GTF2IRD2B: variants seen among roughly 807,000 people sequenced by gnomAD.
GTF2IRD2B encodes the protein GTF2I repeat domain containing 2B, also known as general transcription factor II-I repeat domain-containing protein 2B.
A neutral mutation model predicts 55.6 loss-of-function variants in GTF2IRD2B; 10 were observed. The observed-to-expected ratio is 0.18, with a 90% CI of 0.11 to 0.31. GTF2IRD2B has a LOEUF of 0.31. Among genes scored for constraint, GTF2IRD2B ranks in the 10% least tolerant of loss-of-function variants. The probability of loss-of-function intolerance (pLI) is 1.00; values close to 1 mark genes in which losing one functional copy is unlikely to be tolerated. For missense variants in GTF2IRD2B, 206 were observed against 802.7 expected (o/e 0.26, Z 8.98); for synonymous variants, 107 against 320.5 (o/e 0.33, Z 7.12).
intron 2 of GTF2IRD2B, among the ~76,000 whole-genome samples, chr7:75,112,039 C>T (rs1178639020): frequency 6.6e-5 from 1 of 15,220 alleles, no homozygotes; most frequent in African/African-American, 1.3e-4. Flanking sequence ...GTCAGGAGAT[C>T]GAGACCATCC....
chr7:75,132,551 T>C (rs1198610080), intron 8 of GTF2IRD2B, among the ~76,000 whole-genome samples: 193 of 16,798 alleles, frequency 0.011, no homozygotes, highest in Non-Finnish European at 0.016. Context: ...CTTCCTTCTT[T>C]TTTTTTTTTT....
At chr7:75,104,591 G>T (rs1365666196) in intron 1 of GTF2IRD2B, among the ~76,000 whole-genome samples, 17 of 152,330 alleles carry the variant, frequency 1.1e-4, no homozygotes, top group African/African-American at 4.1e-4. Context: ...CTCTCCCGGG[G>T]ATGCTAAAGA....
rs1238190491 is a variant in GTF2IRD2B at position 75,115,428 on chromosome 7, AT to A, written c.238+2906del. 1.3e-3 allele frequency among the ~76,000 whole-genome samples: 158 copies of A among 125,420 alleles called. 2 individuals are homozygous for A. The highest frequency in any genetic ancestry group is 2.6e-3 in the South Asian group (10 of 3,906). The allele number at this position is 125,420 out of a possible 152,430, so 82.3% of individuals were successfully genotyped here. A position where few individuals can be genotyped will look rare whatever the true frequency, so the allele number is the denominator to read the frequency against. On this transcript the variant is annotated intron_variant, in intron 3 of 15. Transcript: ENST00000472837. Reference sequence around the variant, plus strand: ...TGGTGTTCCATATGAATTTTTTTTTATTTTTTTTTTTTTGAGACAGAATCTC... The same window carrying A: ...TGGTGTTCCATATGAATTTTTTTTTATTTTTTTTTTTTGAGACAGAATCTC...
At position 75,123,827 on chromosome 7, in the gene GTF2IRD2B, G is replaced by T. The variant is rs1220606357; in HGVS notation, c.571+311G>T. 6.3e-4 allele frequency: 246 copies of T among 389,766 alleles called. 10 individuals are homozygous for T. The highest frequency in any genetic ancestry group is 1.1e-4 in the Non-Finnish European group (23 of 202,470). 24.1% of individuals were successfully genotyped at this position (389,766 alleles called of 1,614,324 possible). Reference sequence around the variant, plus strand: ...CGGGAGGTGGAGCTTGCAGTGAGCGGAGATCGCGCCACTGCACTCCAGCCT... The same window carrying T: ...CGGGAGGTGGAGCTTGCAGTGAGCGTAGATCGCGCCACTGCACTCCAGCCT... On this transcript the variant is annotated intron_variant, in intron 6 of 15. Coordinates refer to ENST00000472837, the MANE Select transcript of GTF2IRD2B (RefSeq NM_001003795.3).
At chr7:75,113,748 T>C (rs587594722) in intron 3 of GTF2IRD2B, among the ~76,000 whole-genome samples, 16 of 147,492 alleles carry the variant, frequency 1.1e-4, no homozygotes, top group Non-Finnish European at 2.2e-4. Flanking sequence ...CATGAAAGGA[T>C]AAAAATCAGA....
chr7:75,102,085 C>T (rs1195659080), intron 1 of GTF2IRD2B, among the ~76,000 whole-genome samples: 1 of 150,738 alleles, frequency 6.6e-6, no homozygotes, highest in Non-Finnish European at 1.5e-5. Flanking sequence ...TCACTGCAAC[C>T]TCCGCCTCCC....
chr7:75,137,189 C>T (rs781973811), intron 11 of GTF2IRD2B, among the ~76,000 whole-genome samples: 217 of 143,890 alleles, frequency 1.5e-3, no homozygotes, highest in Non-Finnish European at 2.9e-3. Context: ...GGTGACAGAG[C>T]GAGATTCCAT....
chr7:75,121,484 A>G (rs1584537352), intron 4 of GTF2IRD2B, among the ~76,000 whole-genome samples: 1 of 146,588 alleles, frequency 6.8e-6, no homozygotes, highest in Non-Finnish European at 1.5e-5. Context: ...TTCTGAGAGG[A>G]GTCTTGCTCT....
chr7:75,148,370 G>C lies in GTF2IRD2B; in HGVS notation c.1923G>C (p.Thr641=). 1 of 1,611,940 alleles carries C rather than the reference G, an allele frequency of 6.2e-7. No individual in the cohort carries two copies. The highest frequency in any genetic ancestry group is 1.7e-5 in the Admixed American group (1 of 59,774). ...CAAAACTGAAGTCCAGGGTGGCGAC[G>C]TTCTGCAAGGGTGCGGAACTGAAGT... ...LVTKLKSRVA[T]FCKGAELKSI... Residue 641 remains threonine, a synonymous_variant, in exon 16 of 16, where the codon ACG becomes ACC. Transcript: ENST00000472837.
chr7:75,148,318 T>C lies in GTF2IRD2B; in HGVS notation c.1871T>C (p.Met624Thr), dbSNP rs1554454566. The C allele has an allele frequency of 6.2e-7, 1 of 1,613,486 alleles. No homozygotes were observed. Among genetic ancestry groups the C allele is most frequent in the Admixed American group, 1.7e-5 (1 of 59,880 alleles). The change falls in exon 16 of 16, where the codon ATG becomes ACG. Residue 624 changes from methionine to threonine, a missense_variant. Coordinates refer to ENST00000472837, the MANE Select transcript of GTF2IRD2B (RefSeq NM_001003795.3). Reference sequence around the variant, plus strand: ...GTGGCCTCCACTGGCACCCCAGCGATGGTGGATGCCAATAACGGGCTTGTC... The same window carrying C: ...GTGGCCTCCACTGGCACCCCAGCGACGGTGGATGCCAATAACGGGCTTGTC... The part of the protein sequence containing the change: ...VSVASTGTPA[M>T]VDANNGLVTK...
intron 15 of GTF2IRD2B, chr7:75,146,948 G>GAAAAAGAA (rs1379669567): frequency 1.3e-5 from 2 of 155,704 alleles, no homozygotes; most frequent in Admixed American, 6.3e-5. Flanking sequence ...AAAAGAAAAA[G>GAAAAAGAA]AAAAAGAAAA....
intron 1 of GTF2IRD2B, among the ~76,000 whole-genome samples, chr7:75,102,228 C>A (rs1331303314): frequency 1.3e-5 from 2 of 151,376 alleles, no homozygotes; most frequent in African/African-American, 4.8e-5. Flanking sequence ...GTCTCGATCT[C>A]TTGACCTTGT....
At chr7:75,093,787 A>AT (rs1807342432) in intron 1 of GTF2IRD2B, 2 of 148,138 alleles carry the variant, frequency 1.4e-5, no homozygotes, top group South Asian at 4.4e-4. Context: ...GCTGTTATGA[A>AT]TAATACTGCT....
Position 75,092,750 on chromosome 7 carries a change from G to GGCCCAGCGCC in GTF2IRD2B, c.-20_-11dup, listed in dbSNP as rs1807283997. The GGCCCAGCGCC allele has an allele frequency of 1.3e-5, 2 of 153,102 alleles. No individual in the cohort carries two copies. Among genetic ancestry groups the GGCCCAGCGCC allele is most frequent in the Admixed American group, 1.3e-4 (2 of 15,282 alleles). 9.5% of individuals were successfully genotyped at this position (153,102 alleles called of 1,614,324 possible). A position where few individuals can be genotyped will look rare whatever the true frequency, so the allele number is the denominator to read the frequency against. Reference sequence around the variant, plus strand: ...TCGGACTCCGCGGCCGGCCCGGCGCGGCCCAGCGCCCTCAGGTGCGTACCC... The same window carrying GGCCCAGCGCC: ...TCGGACTCCGCGGCCGGCCCGGCGCGGCCCAGCGCCGCCCAGCGCCCTCAGGTGCGTACCC... On this transcript the variant is annotated 5_prime_UTR_variant, in exon 1 of 16. Transcript: ENST00000472837.
intron 1 of GTF2IRD2B, among the ~76,000 whole-genome samples, chr7:75,105,976 C>T (rs1392249826): frequency 1.3e-5 from 2 of 152,310 alleles, no homozygotes; most frequent in Admixed American, 1.3e-4. Flanking sequence ...ACTTCCCTGA[C>T]GTCCTCAGTC....
intron 15 of GTF2IRD2B, among the ~76,000 whole-genome samples, chr7:75,147,114 T>A (rs1809168525): frequency 6.6e-6 from 1 of 151,490 alleles, no homozygotes; most frequent in South Asian, 2.1e-4. Context: ...TTCATAAAGG[T>A]CAATCTTCAG....
At chr7:75,120,075 G>T (rs1172193959) in intron 3 of GTF2IRD2B, among the ~76,000 whole-genome samples, 2 of 128,170 alleles carry the variant, frequency 1.6e-5, no homozygotes, top group Non-Finnish European at 3.2e-5. Flanking sequence ...CTTGCAGTGA[G>T]TGGAGAACAT....
chr7:75,121,938 A>AT (rs1324006328), intron 4 of GTF2IRD2B, among the ~76,000 whole-genome samples: 1 of 127,166 alleles, frequency 7.9e-6, no homozygotes, highest in South Asian at 2.6e-4. Context: ...CTTTTTTTGT[A>AT]TTTTTTGGTA....
At chr7:75,093,164 G>T (rs1387410086) in intron 1 of GTF2IRD2B, among the ~76,000 whole-genome samples, 5 of 151,060 alleles carry the variant, frequency 3.3e-5, no homozygotes, top group African/African-American at 9.7e-5. Context: ...AGGCAACTGC[G>T]CCCCGGATCC....
Sources: gnomAD v4.1 joint callset for allele counts (sites outside exome capture counted in the v4.1 genomes callset) on GRCh38, gnomAD v4.1.1 for gene constraint, MANE v1.5 for transcripts, NCBI Gene and HGNC (gene_info 2026-07-23, HGNC 2026-07-21) for gene names.